Variants in FOXN3 observed in about 807,000 individuals in gnomAD.
FOXN3 encodes forkhead box protein N3.
FOXN3 carries 7 observed loss-of-function variants against 38.4 expected under a neutral mutation model. That is an observed-to-expected ratio of 0.18 (90% CI 0.10 to 0.34). The LOEUF (loss-of-function observed/expected upper bound fraction) is 0.34. Ranked by LOEUF, FOXN3 falls within the 10% of genes least tolerant of loss-of-function variation. The probability of loss-of-function intolerance (pLI) is 1.00; values close to 1 mark genes in which losing one functional copy is unlikely to be tolerated. For synonymous variants in FOXN3, 230 were observed against 242.2 expected (o/e 0.95, Z 0.47); for missense variants, 456 against 613.4 (o/e 0.74, Z 2.71).
intron 3 of FOXN3, among the ~76,000 whole-genome samples, chr14:89,325,214 G>GCACCACCACCACCAC (rs756831446): frequency 2.3e-4 from 32 of 140,230 alleles, no homozygotes; most frequent in Middle Eastern, 3.6e-3. Context: ...CAACACACAT[G>GCACCACCACCACCAC]CACCACCACC....
chr14:89,514,631 G>A (rs1894166435), intron 1 of FOXN3, among the ~76,000 whole-genome samples: 2 of 152,300 alleles, frequency 1.3e-5, no homozygotes, highest in African/African-American at 2.4e-5. Context: ...CTTGTGCCCC[G>A]ACTGTCAGGA....
intron 1 of FOXN3, among the ~76,000 whole-genome samples, chr14:89,608,773 T>C (rs1404801951): frequency 6.6e-6 from 1 of 152,172 alleles, no homozygotes; most frequent in African/African-American, 2.4e-5. Context: ...CGAGACAACC[T>C]GAGGGAATAG....
At chr14:89,259,187 A>C (rs1160395956) in intron 4 of FOXN3, among the ~76,000 whole-genome samples, 1 of 152,206 alleles carries the variant, frequency 6.6e-6, no homozygotes, top group Non-Finnish European at 1.5e-5. Flanking sequence ...TTGCCTAGAG[A>C]GATGTTACAG....
At chr14:89,378,977 G>C (rs1339834663) in intron 2 of FOXN3, among the ~76,000 whole-genome samples, 1 of 152,222 alleles carries the variant, frequency 6.6e-6, no homozygotes. Context: ...AAAGGGGTGG[G>C]ATTACATGCA....
At chr14:89,555,048 C>T (rs1171971385) in intron 1 of FOXN3, among the ~76,000 whole-genome samples, 1 of 151,908 alleles carries the variant, frequency 6.6e-6, no homozygotes, top group Non-Finnish European at 1.5e-5. Context: ...ACCTTGGCCT[C>T]CCAAAGTGCT....
chr14:89,366,239 C>A (rs1326200098), intron 2 of FOXN3, among the ~76,000 whole-genome samples: 2 of 146,718 alleles, frequency 1.4e-5, no homozygotes, highest in African/African-American at 5.1e-5. Context: ...GGCGACAGAG[C>A]GAGACTCCGT....
At chr14:89,490,497 G>A (rs947521353) in intron 1 of FOXN3, among the ~76,000 whole-genome samples, 1 of 152,202 alleles carries the variant, frequency 6.6e-6, no homozygotes, top group African/African-American at 2.4e-5. Context: ...CCACACACCT[G>A]GGGCGCTAAC....
intron 3 of FOXN3, among the ~76,000 whole-genome samples, chr14:89,328,702 C>T (rs536692791): frequency 2.0e-5 from 3 of 152,330 alleles, no homozygotes; most frequent in East Asian, 1.9e-4. Flanking sequence ...CAAAGGGAAA[C>T]GGAGGCTTGG....
At chr14:89,435,367 G>C (rs1416525309) in intron 1 of FOXN3, among the ~76,000 whole-genome samples, 1 of 145,072 alleles carries the variant, frequency 6.9e-6, no homozygotes, top group African/African-American at 2.6e-5. Flanking sequence ...GCAAGACCCT[G>C]TCTCTTAAAA....
chr14:89,573,059 T>G (rs1895526700), intron 1 of FOXN3, among the ~76,000 whole-genome samples: 1 of 152,176 alleles, frequency 6.6e-6, no homozygotes, highest in Non-Finnish European at 1.5e-5. Flanking sequence ...TCTCCCTACC[T>G]TCTGCCATAC....
At chr14:89,293,609 G>A (rs1403082024) in intron 3 of FOXN3, among the ~76,000 whole-genome samples, 1 of 152,100 alleles carries the variant, frequency 6.6e-6, no homozygotes, top group East Asian at 1.9e-4. Context: ...ATGTTGAGTC[G>A]AGGGTGCACC....
chr14:89,378,816 C>A (rs1336144909), intron 2 of FOXN3, among the ~76,000 whole-genome samples: 1 of 151,748 alleles, frequency 6.6e-6, no homozygotes, highest in East Asian at 1.9e-4. Flanking sequence ...AAGTGATTCT[C>A]CTGCCTTAGC....
At chr14:89,205,548 G>A (rs950445144) in intron 4 of FOXN3, among the ~76,000 whole-genome samples, 4 of 152,214 alleles carry the variant, frequency 2.6e-5, no homozygotes, top group African/African-American at 2.4e-5. Flanking sequence ...ACAACACATC[G>A]ACCGACACCA....
At chr14:89,583,517 C>T (rs12433259) in intron 1 of FOXN3, among the ~76,000 whole-genome samples, 3,861 of 152,252 alleles carry the variant, frequency 0.025, 160 homozygotes, top group African/African-American at 0.087. Flanking sequence ...ACTTTCCAGC[C>T]GCCAGAACTG....
At chr14:89,373,247 G>C (rs572013988) in intron 2 of FOXN3, among the ~76,000 whole-genome samples, 6 of 152,280 alleles carry the variant, frequency 3.9e-5, no homozygotes, top group Admixed American at 3.3e-4. Flanking sequence ...GTTTCAATCA[G>C]GGTTCTATAA....
intron 1 of FOXN3, among the ~76,000 whole-genome samples, chr14:89,591,593 A>G (rs1425700382): frequency 6.6e-6 from 1 of 152,170 alleles, no homozygotes; most frequent in African/African-American, 2.4e-5. Flanking sequence ...AGGCATCACC[A>G]GGAATTTAAG....
chr14:89,587,867 G>GAAAAAA (rs11366681), intron 1 of FOXN3, among the ~76,000 whole-genome samples: 1 of 64,622 alleles, frequency 1.5e-5, no homozygotes, highest in Non-Finnish European at 3.0e-5. Context: ...CTCTGTCTCA[G>GAAAAAA]AAAAAAAAAA....
chr14:89,329,580 G>T (rs1054447300), intron 3 of FOXN3, among the ~76,000 whole-genome samples: 2 of 152,116 alleles, frequency 1.3e-5, no homozygotes, highest in Non-Finnish European at 2.9e-5. Flanking sequence ...GGCCCCTGCC[G>T]GACGCGGTGG....
chr14:89,298,502 G>A (rs1269546091), intron 3 of FOXN3, among the ~76,000 whole-genome samples: 2 of 145,504 alleles, frequency 1.4e-5, no homozygotes, highest in African/African-American at 2.5e-5. Flanking sequence ...AGGCTGGATA[G>A]TACATTTTAT....
Sources: gnomAD v4.1 joint callset for allele counts (sites outside exome capture counted in the v4.1 genomes callset) on GRCh38, gnomAD v4.1.1 for gene constraint, MANE v1.5 for transcripts, NCBI Gene and HGNC (gene_info 2026-07-23, HGNC 2026-07-21) for gene names.